Variants in CD200R1 observed in about 807,000 individuals in gnomAD.
CD200R1 encodes the protein CD200 receptor 1.
Under a neutral mutation model 38.1 loss-of-function variants are expected in CD200R1, and 30 were observed. That is an observed-to-expected ratio of 0.79 (90% CI 0.59 to 1.07). The LOEUF (loss-of-function observed/expected upper bound fraction) is 1.07, where lower values mean the gene tolerates loss of function less well. Among genes scored for constraint, CD200R1 ranks in the 50% least tolerant of loss-of-function variants. The probability of loss-of-function intolerance (pLI) is 0.00; values close to 1 mark genes in which losing one functional copy is unlikely to be tolerated. For synonymous variants in CD200R1, 128 were observed against 152.1 expected (o/e 0.84, Z 1.16); for missense variants, 372 against 415.4 (o/e 0.90, Z 0.91).
chr3:112,927,222 T>G (rs1392312434), intron 5 of CD200R1, among the ~76,000 whole-genome samples: 1 of 152,036 alleles, frequency 6.6e-6, no homozygotes, highest in Non-Finnish European at 1.5e-5. Context: ...GGAAGTCTGA[T>G]TCTCAACAGT....
At chr3:112,962,991 T>C (rs1559956696) in intron 1 of CD200R1, among the ~76,000 whole-genome samples, 1 of 152,192 alleles carries the variant, frequency 6.6e-6, no homozygotes, top group Non-Finnish European at 1.5e-5. Flanking sequence ...GTCTTTCCCA[T>C]GCTGTTCTCA....
intron 2 of CD200R1, among the ~76,000 whole-genome samples, chr3:112,933,140 TG>T (rs1031895289): frequency 1.3e-5 from 2 of 152,054 alleles, no homozygotes; most frequent in Non-Finnish European, 2.9e-5. Context: ...AATAATCTGG[TG>T]GGCCCACTCT....
At chr3:112,972,168 C>T (rs1933325995) in intron 1 of CD200R1, among the ~76,000 whole-genome samples, 1 of 152,128 alleles carries the variant, frequency 6.6e-6, no homozygotes, top group African/African-American at 2.4e-5. Flanking sequence ...GAGAAAAACA[C>T]ACCTATAAAT....
At chr3:112,950,395 C>T (rs1001481735) in intron 1 of CD200R1, among the ~76,000 whole-genome samples, 10 of 144,506 alleles carry the variant, frequency 6.9e-5, no homozygotes, top group Admixed American at 3.5e-4. Context: ...AGTGACACTC[C>T]GTCAAAGAAA....
chr3:112,967,800 C>T (rs1031920547), intron 1 of CD200R1, among the ~76,000 whole-genome samples: 1 of 152,206 alleles, frequency 6.6e-6, no homozygotes, highest in African/African-American at 2.4e-5. Context: ...CACACACTTG[C>T]CCCATCCCTT....
chr3:112,958,929 C>A (rs1285620590), intron 1 of CD200R1, among the ~76,000 whole-genome samples: 1 of 152,066 alleles, frequency 6.6e-6, no homozygotes, highest in Admixed American at 6.6e-5. Flanking sequence ...CATATACACC[C>A]ACACATAAAA....
At chr3:112,929,798 G>A (rs905857871) in intron 3 of CD200R1, among the ~76,000 whole-genome samples, 1 of 151,956 alleles carries the variant, frequency 6.6e-6, no homozygotes, top group East Asian at 1.9e-4. Flanking sequence ...AAAGAGAATT[G>A]TAAATTAAAC....
At chr3:112,972,246 G>A (rs1933329111) in intron 1 of CD200R1, among the ~76,000 whole-genome samples, 1 of 152,124 alleles carries the variant, frequency 6.6e-6, no homozygotes, top group Non-Finnish European at 1.5e-5. Context: ...TTATTAATAA[G>A]GACAAAACCC....
At chr3:112,968,501 G>A (rs961068125) in intron 1 of CD200R1, among the ~76,000 whole-genome samples, 1 of 152,178 alleles carries the variant, frequency 6.6e-6, no homozygotes, top group African/African-American at 2.4e-5. Context: ...GGGTGTCAAT[G>A]CTTGGAAGAA....
chr3:112,947,531 G>C (rs947835322), intron 2 of CD200R1, among the ~76,000 whole-genome samples: 5 of 152,196 alleles, frequency 3.3e-5, no homozygotes, highest in African/African-American at 1.2e-4. Flanking sequence ...AAATAGGGTT[G>C]AGAGAGGATA....
chr3:112,938,523 C>T (rs1263944761), intron 2 of CD200R1, among the ~76,000 whole-genome samples: 2 of 151,872 alleles, frequency 1.3e-5, no homozygotes, highest in Non-Finnish European at 2.9e-5. Flanking sequence ...CTGAAAAATT[C>T]CCGGATACAG....
intron 2 of CD200R1, among the ~76,000 whole-genome samples, chr3:112,933,650 A>G (rs1265985262): frequency 6.6e-6 from 1 of 152,140 alleles, no homozygotes; most frequent in East Asian, 1.9e-4. Context: ...TTATAAGGCA[A>G]TATATGAAAT....
At position 112,925,059 on chromosome 3, in the gene CD200R1, AG is replaced by A. The variant is rs1444644263; in HGVS notation, c.878+25del. On this transcript the variant is annotated intron_variant, in intron 6 of 7. Transcript: ENST00000308611. ...TTTTCTAGCCTAATAAAGCTGAAGA[AG>A]AAAAAAACATTCATTAGTCAATACC... 2.2e-6 allele frequency: 3 copies of A among 1,343,822 alleles called. No homozygotes were observed. In the African/African-American group the frequency reaches 4.3e-5, roughly 19 times the overall value. The allele number at this position is 1,343,822 out of a possible 1,614,324, so 83.2% of individuals were successfully genotyped here.
chr3:112,953,188 G>C lies in CD200R1; in HGVS notation c.68-5264C>G, dbSNP rs374726216. Among the ~76,000 whole-genome samples the C allele has an allele frequency of 2.1e-4, 32 of 152,090 alleles. No homozygotes were observed. The East Asian group carries it at 2.5e-3, about 12-fold the overall frequency. On this transcript the variant is annotated intron_variant, in intron 1 of 7. Transcript: ENST00000308611. ...ATGAAAGGATGTTGAATTTTTAAAG[G>C]CTTTTTTGCATCTATGGAAATGATC... is the stretch of plus-strand genomic sequence containing the variant.
chr3:112,946,052 A>AAAAAAT (rs1250125281), intron 2 of CD200R1, among the ~76,000 whole-genome samples: 1 of 140,232 alleles, frequency 7.1e-6, no homozygotes, highest in Non-Finnish European at 1.7e-5. Flanking sequence ...AAAAAAAAAA[A>AAAAAAT]GGAGAACGAA....
chr3:112,930,827 G>T (rs1940412844), intron 3 of CD200R1, among the ~76,000 whole-genome samples: 1 of 152,218 alleles, frequency 6.6e-6, no homozygotes, highest in South Asian at 2.1e-4. Context: ...ACTAGATGAA[G>T]AAAGAGGTAA....
At chr3:112,934,568 G>A (rs922892584) in intron 2 of CD200R1, among the ~76,000 whole-genome samples, 2 of 152,082 alleles carry the variant, frequency 1.3e-5, no homozygotes, top group African/African-American at 2.4e-5. Flanking sequence ...GGTGGCTCAC[G>A]CCTGTAATCC....
At chr3:112,950,842 A>G (rs1044414399) in intron 1 of CD200R1, among the ~76,000 whole-genome samples, 5 of 152,268 alleles carry the variant, frequency 3.3e-5, no homozygotes, top group African/African-American at 1.2e-4. Context: ...AAATTCATGA[A>G]GAAATTAAAG....
chr3:112,926,343 T>C (rs1329839627), intron 5 of CD200R1, among the ~76,000 whole-genome samples: 4 of 152,168 alleles, frequency 2.6e-5, no homozygotes, highest in Non-Finnish European at 4.4e-5. Context: ...TCTTCCACAG[T>C]TGATGTTTTT....
Sources: allele counts gnomAD v4.1 joint callset (sites outside exome capture counted in the v4.1 genomes callset), GRCh38; gene constraint gnomAD v4.1.1; transcripts MANE v1.5; gene names NCBI Gene and HGNC (gene_info 2026-07-23, HGNC 2026-07-21).